The following TACC2 variants were observed in gnomAD, a reference collection of about 807,000 sequenced individuals.
TACC2 encodes transforming acidic coiled-coil-containing protein 2.
In TACC2, 137 loss-of-function variants were observed where a neutral mutation model predicts 227.3. The observed-to-expected ratio is 0.60, with a 90% CI of 0.52 to 0.69. The LOEUF is 0.69. Among genes scored for constraint, TACC2 ranks in the 30% least tolerant of loss-of-function variants. The pLI is 0.00. For missense variants in TACC2, 3,470 were observed against 3,694.4 expected, an observed-to-expected ratio of 0.94 and a Z score of 1.57; for synonymous variants, 1,523 against 1,487.5, an observed-to-expected ratio of 1.02 and a Z score of -0.55.
At chr10:122,240,182 G>A (rs1436363114) in intron 18 of TACC2, among the ~76,000 whole-genome samples, 2 of 152,160 alleles carry the variant, frequency 1.3e-5, no homozygotes, top group African/African-American at 4.8e-5. Flanking sequence ...CAGGTCCCCG[G>A]TCTCTCCACG....
At chr10:122,172,036 C>T (rs556823231) in intron 7 of TACC2, among the ~76,000 whole-genome samples, 1 of 152,234 alleles carries the variant, frequency 6.6e-6, no homozygotes, top group African/African-American at 2.4e-5. Context: ...TCCTGAGGAC[C>T]AGCAAGCCCA....
intron 5 of TACC2, among the ~76,000 whole-genome samples, chr10:122,119,681 A>C (rs1363799830): frequency 1.3e-5 from 2 of 152,236 alleles, no homozygotes; most frequent in African/African-American, 4.8e-5. Context: ...TGGGAGGCCA[A>C]GACGGGTGGA....
chr10:122,203,419 AC>A (rs1390845581), intron 8 of TACC2, among the ~76,000 whole-genome samples: 14 of 135,418 alleles, frequency 1.0e-4, no homozygotes, highest in South Asian at 4.7e-4. Context: ...CGGGCGGCTG[AC>A]CCCCCCACCT....
chr10:122,058,478 G>T (rs2136340716), intron 3 of TACC2, among the ~76,000 whole-genome samples: 1 of 152,250 alleles, frequency 6.6e-6, no homozygotes, highest in South Asian at 2.1e-4. Context: ...GCGCGATCTT[G>T]GCTCACTGCA....
rs755222761 is a variant in TACC2, at chr10:122,087,577, C to T, written c.5077C>T (p.Leu1693=). 3 of 1,613,738 alleles carry T rather than the reference C, an allele frequency of 1.9e-6. No individual in the cohort carries two copies. The highest frequency in any genetic ancestry group is 2.2e-5 in the South Asian group (2 of 91,090). The change falls in exon 4 of 23, where the codon CTG becomes TTG. Residue 1693 remains leucine (L), a synonymous_variant. Transcript: ENST00000369005. The part of the protein sequence containing the change: ...PPTGEVADTP[L]EPGKVAGAAG... Reference sequence around the variant, plus strand: ...AACTGGAGAAGTGGCAGACACTCCCCTGGAGCCTGGCAAGGTGGCAGGCGC... The same window carrying T: ...AACTGGAGAAGTGGCAGACACTCCCTTGGAGCCTGGCAAGGTGGCAGGCGC...
At position 122,141,228 on chromosome 10, in the gene TACC2, T is replaced by C. The variant is rs1433772356; in HGVS notation, c.5700-2344T>C. ...AGTTCTGTTGGGCCCAGGAGGTGTC[T>C]GTGGGGGCCCATGTGTTAGCGCTTG... On this transcript the variant is annotated intron_variant, in intron 6 of 22. Transcript: ENST00000369005. The surrounding 1 kb of genome is among the most constrained non-coding windows in gnomAD (Gnocchi z 4.3). Among the ~76,000 whole-genome samples the C allele has an allele frequency of 6.6e-6, 1 of 152,038 alleles. No individual in the cohort carries two copies. The highest frequency in any genetic ancestry group is 6.6e-5 in the Admixed American group (1 of 15,258).
At chr10:122,025,884 T>C (rs1957935395) in intron 2 of TACC2, among the ~76,000 whole-genome samples, 1 of 151,810 alleles carries the variant, frequency 6.6e-6, no homozygotes, top group Non-Finnish European at 1.5e-5. Flanking sequence ...CTATTATTAT[T>C]ATTATTTTTT....
chr10:122,238,497 G>T (rs1452781969), intron 18 of TACC2, among the ~76,000 whole-genome samples: 3 of 152,066 alleles, frequency 2.0e-5, no homozygotes, highest in African/African-American at 7.2e-5. Flanking sequence ...GCCCAGGCTG[G>T]AGTGCAGTGG....
chr10:122,031,121 T>C (rs1343509312), intron 2 of TACC2, among the ~76,000 whole-genome samples: 1 of 152,170 alleles, frequency 6.6e-6, no homozygotes, highest in Non-Finnish European at 1.5e-5. Flanking sequence ...TAGAACTTTT[T>C]TTAAGGTTGT....
chr10:122,241,268 G>A (rs1488195614), intron 18 of TACC2, among the ~76,000 whole-genome samples: 1 of 152,106 alleles, frequency 6.6e-6, no homozygotes, highest in Admixed American at 6.5e-5. Context: ...TCAGTTGTCG[G>A]GCTGGAGGTT....
chr10:121,999,049 G>A (rs941359108), intron 1 of TACC2, among the ~76,000 whole-genome samples: 35 of 147,606 alleles, frequency 2.4e-4, no homozygotes, highest in African/African-American at 8.0e-4. Flanking sequence ...TTGCTCTGTC[G>A]CCAGGCTGGA....
At chr10:122,132,796 C>T (rs1035025091) in intron 6 of TACC2, 62 bp downstream of exon 6, 3 of 1,565,780 alleles carry the variant, frequency 1.9e-6, no homozygotes, top group East Asian at 2.3e-5. Context: ...AGGCTGCCTT[C>T]CCCCGCTCCC....
intron 8 of TACC2, among the ~76,000 whole-genome samples, chr10:122,196,055 C>T (rs542014537): frequency 6.6e-6 from 1 of 152,222 alleles, no homozygotes; most frequent in African/African-American, 2.4e-5. Flanking sequence ...GGGGCCCCCT[C>T]GTCCCCTTCT....
Position 122,072,490 on chromosome 10 carries a change from G to A in TACC2, c.147-10157G>A, listed in dbSNP as rs552749909. ...CAAGTTAGGACCATGTGTGTGGAGT[G>A]GACACAGTGTGCTAGGGTTGCAAAG... is the stretch of plus-strand genomic sequence containing the variant. On this transcript the variant is annotated intron_variant, in intron 3 of 22. Transcript: ENST00000369005. Among the ~76,000 whole-genome samples, 10 of 152,300 alleles carry A rather than the reference G, an allele frequency of 6.6e-5. No homozygotes were observed. In the South Asian group the frequency reaches 2.1e-3, roughly 32 times the overall value.
chr10:122,143,713 C>G lies in TACC2; in HGVS notation c.5834+7C>G. The G allele has an allele frequency of 6.2e-7, 1 of 1,612,882 alleles. No individual in the cohort carries two copies. Among genetic ancestry groups the G allele is most frequent in the Non-Finnish European group, 8.5e-7 (1 of 1,179,222 alleles). On this transcript the variant is annotated splice_region_variant and intron_variant, in intron 7 of 22. Coordinates refer to ENST00000369005, the MANE Select transcript of TACC2 (RefSeq NM_206862.4). Reference sequence around the variant, plus strand: ...CGGCCAAGGACCTCAGCAGGTATTGCGCAAGTCCCCCTCCACAGCACCTGC... The same window carrying G: ...CGGCCAAGGACCTCAGCAGGTATTGGGCAAGTCCCCCTCCACAGCACCTGC...
intron 8 of TACC2, among the ~76,000 whole-genome samples, chr10:122,202,070 G>T: frequency 6.9e-6 from 1 of 144,262 alleles, no homozygotes; most frequent in Non-Finnish European, 1.5e-5. Context: ...TTCGATGATG[G>T]CTCATTTCTA....
chr10:122,204,050 C>G (rs921830461), intron 8 of TACC2, among the ~76,000 whole-genome samples: 9 of 151,198 alleles, frequency 6.0e-5, no homozygotes, highest in Admixed American at 4.6e-4. Context: ...CCCAGGCACT[C>G]GGCAGGCTGA....
rs531738196 is a variant in TACC2 at position 122,085,514 on chromosome 10, G to C, written c.3014G>C (p.Ser1005Thr). Residue 1005 changes from serine to threonine, a missense_variant, in exon 4 of 23, where the codon AGC (serine) becomes ACC (threonine). This residue lies in a region of TACC2 where 1,924 missense variants were observed against 1,978.3 expected (regional missense o/e 0.97). Transcript: ENST00000369005. ...TTGGCTGATGCCTTGGAAGAAGGCA[G>C]CCAGCATGAAGAAGCATGTCAAAGG... ...QALADALEEG[S>T]QHEEACQRHP... 1 of 1,613,548 alleles carries C rather than the reference G, an allele frequency of 6.2e-7. No homozygotes were observed. Among genetic ancestry groups the C allele is most frequent in the Non-Finnish European group, 8.5e-7 (1 of 1,180,050 alleles).
intron 2 of TACC2, chr10:122,032,997 A>T (rs867737078): frequency 3.2e-4 from 224 of 710,018 alleles, no homozygotes; most frequent in Middle Eastern, 8.9e-4. Context: ...CAACAACAAC[A>T]ACAAAAACAA....
Sources: allele counts gnomAD v4.1 joint callset (sites outside exome capture counted in the v4.1 genomes callset), GRCh38; gene constraint gnomAD v4.1.1; regional missense constraint gnomAD v4.1.1; non-coding constraint Gnocchi (gnomAD v3.1); transcripts MANE v1.5; gene names NCBI Gene and HGNC (gene_info 2026-07-23, HGNC 2026-07-21).